RBFOX1: variants seen among roughly 807,000 people sequenced by gnomAD.
The protein encoded by RBFOX1 is RNA binding protein fox-1 homolog 1.
RBFOX1 carries 8 observed loss-of-function variants against 57.7 expected under a neutral mutation model. The observed-to-expected ratio is 0.14, with a 90% CI of 0.08 to 0.25. RBFOX1 has a LOEUF of 0.25. RBFOX1 is among the 10% of genes least tolerant of loss of function. The pLI, the probability that RBFOX1 is intolerant of heterozygous loss-of-function variation, is 1.00. For synonymous variants in RBFOX1, 326 were observed against 222.4 expected (o/e 1.47, Z -4.15); for missense variants, 611 against 548.5 (o/e 1.11, Z -1.14).
intron 3 of RBFOX1, among the ~76,000 whole-genome samples, chr16:6,976,914 CAT>C (rs942905637): frequency 1.2e-3 from 178 of 142,616 alleles, no homozygotes; most frequent in Non-Finnish European, 1.7e-3. Flanking sequence ...ATATATATCA[CAT>C]ATATTGTATA....
At chr16:6,974,922 C>A (rs924353167) in intron 3 of RBFOX1, among the ~76,000 whole-genome samples, 2 of 152,102 alleles carry the variant, frequency 1.3e-5, no homozygotes, top group East Asian at 3.9e-4. Context: ...CTGGACCCTC[C>A]CTCTTTTAAA....
intron 1 of RBFOX1, among the ~76,000 whole-genome samples, chr16:5,376,527 C>A (rs974108339): frequency 2.6e-5 from 4 of 151,968 alleles, no homozygotes; most frequent in Non-Finnish European, 5.9e-5. Flanking sequence ...GTGGGAGAGT[C>A]GGGAAAGGCA....
At chr16:5,992,252 T>C (rs1453813276) in intron 4 of RBFOX1, among the ~76,000 whole-genome samples, 1 of 152,142 alleles carries the variant, frequency 6.6e-6, no homozygotes, top group Non-Finnish European at 1.5e-5. Flanking sequence ...CTTTAGAAGA[T>C]TGTTTATGTC....
intron 2 of RBFOX1, among the ~76,000 whole-genome samples, chr16:6,540,264 A>T (rs1185133556): frequency 6.6e-6 from 1 of 151,818 alleles, no homozygotes; most frequent in East Asian, 1.9e-4. Context: ...ATTCTCCCTC[A>T]ATTGTTCTTT....
At chr16:7,093,481 A>G (rs956362216) in intron 4 of RBFOX1, among the ~76,000 whole-genome samples, 7 of 152,088 alleles carry the variant, frequency 4.6e-5, no homozygotes, top group Admixed American at 3.9e-4. Flanking sequence ...GAACATTTGG[A>G]AAGGGCTAGT....
intron 4 of RBFOX1, among the ~76,000 whole-genome samples, chr16:7,422,002 C>T (rs7198340): frequency 3.7e-4 from 57 of 152,076 alleles, no homozygotes; most frequent in African/African-American, 1.3e-3. Context: ...AGAATAAAAA[C>T]CCTCAGAGGC....
In RBFOX1 at chr16:5,479,252, C is replaced by T. The variant is rs1437101573; in HGVS notation, c.258+11998C>T. 2.0e-5 allele frequency among the ~76,000 whole-genome samples: 3 copies of T among 152,122 alleles called. No individual in the cohort carries two copies. In the East Asian group the frequency reaches 5.8e-4, roughly 29 times the overall value. On this transcript the variant is annotated intron_variant, in intron 2 of 2. Transcript: ENST00000585867. ...TGCTGTCATTTGATTGGCACCAAGC[C>T]TTGTTGCCAATCAGATGACATGTTT...
chr16:5,680,776 C>T (rs2050307971), intron 3 of RBFOX1, among the ~76,000 whole-genome samples: 2 of 152,130 alleles, frequency 1.3e-5, no homozygotes, highest in Non-Finnish European at 2.9e-5. Context: ...GTTTACTATT[C>T]ATTCTCATCC....
intron 4 of RBFOX1, among the ~76,000 whole-genome samples, chr16:7,457,880 C>G (rs1047682635): frequency 6.6e-6 from 1 of 152,100 alleles, no homozygotes. Flanking sequence ...CACCCCCTCC[C>G]CAATACTCTA....
chr16:7,265,554 T>A (rs1450007379), intron 4 of RBFOX1, among the ~76,000 whole-genome samples: 1 of 152,130 alleles, frequency 6.6e-6, no homozygotes, highest in Non-Finnish European at 1.5e-5. Flanking sequence ...GTTGAAGCGA[T>A]TCTCCTGCCT....
chr16:5,983,377 A>G (rs143715748), intron 4 of RBFOX1, among the ~76,000 whole-genome samples: 8 of 152,344 alleles, frequency 5.3e-5, no homozygotes, highest in African/African-American at 1.9e-4. Flanking sequence ...CTCCGCGGAC[A>G]AATCTAGTTT....
chr16:5,258,189 T>C (rs552536007), intron 1 of RBFOX1, among the ~76,000 whole-genome samples: 2 of 152,144 alleles, frequency 1.3e-5, no homozygotes, highest in African/African-American at 4.8e-5. Context: ...GCCAAGGTTT[T>C]TTATTATTAT....
chr16:6,848,976 A>G (rs113217527), intron 3 of RBFOX1, among the ~76,000 whole-genome samples: 14 of 152,334 alleles, frequency 9.2e-5, no homozygotes, highest in African/African-American at 1.9e-4. Flanking sequence ...TTAACTAGCA[A>G]CTTGCCTGTC....
At chr16:6,522,812 A>C (rs1178060810) in intron 2 of RBFOX1, among the ~76,000 whole-genome samples, 1 of 152,224 alleles carries the variant, frequency 6.6e-6, no homozygotes, top group South Asian at 2.1e-4. Flanking sequence ...CTTTGCCTTG[A>C]CCTGCAGGTT....
At chr16:5,981,555 G>A (rs1354106054) in intron 4 of RBFOX1, among the ~76,000 whole-genome samples, 4 of 152,094 alleles carry the variant, frequency 2.6e-5, no homozygotes, top group Non-Finnish European at 5.9e-5. Context: ...TGCAGCCTCC[G>A]CCTCCCAGGC....
intron 5 of RBFOX1, among the ~76,000 whole-genome samples, chr16:7,559,295 C>T (rs1469879554): frequency 6.7e-6 from 1 of 149,648 alleles, no homozygotes; most frequent in Non-Finnish European, 1.5e-5. Flanking sequence ...ACGTTATATA[C>T]ATTATACATC....
intron 2 of RBFOX1, among the ~76,000 whole-genome samples, chr16:6,317,745 C>T (rs181336568): frequency 2.0e-5 from 3 of 152,246 alleles, no homozygotes; most frequent in Admixed American, 1.3e-4. Flanking sequence ...TTTGGGGTAG[C>T]ACCTTCACAA....
At chr16:5,993,748 G>A (rs1425569590) in intron 4 of RBFOX1, among the ~76,000 whole-genome samples, 1 of 152,106 alleles carries the variant, frequency 6.6e-6, no homozygotes, top group Non-Finnish European at 1.5e-5. Flanking sequence ...ATGTATCGCT[G>A]CATTTTCCTG....
chr16:6,891,924 A>G (rs537832830), intron 3 of RBFOX1, among the ~76,000 whole-genome samples: 1 of 152,244 alleles, frequency 6.6e-6, no homozygotes, highest in South Asian at 2.1e-4. Context: ...TCTTTCCAGC[A>G]AGTCGGTTTT....
Sources: allele counts gnomAD v4.1 joint callset (sites outside exome capture counted in the v4.1 genomes callset), GRCh38; gene constraint gnomAD v4.1.1; transcripts MANE v1.5; gene names NCBI Gene and HGNC (gene_info 2026-07-23, HGNC 2026-07-21).